The following CREBBP variants were observed in gnomAD, a reference collection of about 807,000 sequenced individuals.
CREBBP encodes CREB binding lysine acetyltransferase, also known as CREB-binding protein.
Under a neutral mutation model 265.0 loss-of-function variants are expected in CREBBP, and 19 were observed. The observed-to-expected ratio is 0.07, with a 90% CI of 0.05 to 0.11. The LOEUF (loss-of-function observed/expected upper bound fraction) is 0.11, where lower values mean the gene tolerates loss of function less well. CREBBP is among the 10% of genes least tolerant of loss of function. The probability of loss-of-function intolerance (pLI) is 1.00; values close to 1 mark genes in which losing one functional copy is unlikely to be tolerated. For missense variants in CREBBP, 2,525 were observed against 3,219.0 expected (o/e 0.78, Z 5.22); for synonymous variants, 1,457 against 1,223.7 (o/e 1.19, Z -3.98).
intron 1 of CREBBP, among the ~76,000 whole-genome samples, chr16:3,871,710 A>G (rs1371996509): frequency 1.3e-5 from 2 of 152,206 alleles, no homozygotes; most frequent in African/African-American, 4.8e-5. Context: ...GAAAAATCCA[A>G]ACTAGGGGGA....
chr16:3,836,290 T>A (rs1237717497), intron 2 of CREBBP, among the ~76,000 whole-genome samples: 1 of 151,612 alleles, frequency 6.6e-6, no homozygotes, highest in Admixed American at 6.6e-5. Flanking sequence ...AAAAGCCAGC[T>A]GGGCATGGTG....
rs75309636 is a variant in CREBBP, at chr16:3,813,693, A to G, written c.799-2914T>C. Among the ~76,000 whole-genome samples, 701 of 152,336 alleles carry G rather than the reference A, an allele frequency of 4.6e-3. 4 individuals are homozygous for G. Among genetic ancestry groups the G allele is most frequent in the African/African-American group, 0.015 (628 of 41,578 alleles). On this transcript the variant is annotated intron_variant, in intron 2 of 30. Transcript: ENST00000262367. Reference sequence around the variant, plus strand: ...TTTCCCTCGATCAATTCATCCTCGAAGTCAACTGGTATTCACCAAGTGCCT... The same window carrying G: ...TTTCCCTCGATCAATTCATCCTCGAGGTCAACTGGTATTCACCAAGTGCCT...
At chr16:3,837,337 C>T (rs1232607672) in intron 2 of CREBBP, among the ~76,000 whole-genome samples, 1 of 152,106 alleles carries the variant, frequency 6.6e-6, no homozygotes, top group Non-Finnish European at 1.5e-5. Flanking sequence ...AAGAACTGGC[C>T]GGGCGCGGTG....
At chr16:3,740,977 G>C (rs1414495360) in intron 23 of CREBBP, 1 of 336,762 alleles carries the variant, frequency 3.0e-6, no homozygotes, top group African/African-American at 2.1e-5. Flanking sequence ...AGTCTGACGT[G>C]AACGTGGAAC....
chr16:3,728,128 A>G lies in CREBBP; in HGVS notation c.6919T>C (p.Ser2307Pro). 1 of 1,613,862 alleles carries G rather than the reference A, an allele frequency of 6.2e-7. No individual in the cohort carries two copies. The highest frequency in any genetic ancestry group is 8.5e-7 in the Non-Finnish European group (1 of 1,179,962). The change falls in exon 31 of 31, where the codon TCC (serine) becomes CCC (proline). Residue 2307 changes from serine (S) to proline (P), a missense_variant. Physicochemically the swap from Ser to Pro is moderately conservative, Grantham distance 74 (BLOSUM62 -1). Transcript: ENST00000262367. This position sits in a 1 kb window ranked among gnomAD's most constrained non-coding sequence, Gnocchi z 8.7. The part of the protein sequence containing the change: ...QQQQMKQQIG[S>P]PGQPNPMSPQ... ...CTCATGGGGTTCGGCTGGCCTGGGG[A>G]CCCAATCTGCTGCTTCATCTGCTGT...
chr16:3,760,391 GTTTTTTTTTTTT>G (rs35861892), intron 16 of CREBBP, among the ~76,000 whole-genome samples: 160 of 75,958 alleles, frequency 2.1e-3, no homozygotes, highest in Middle Eastern at 0.014. Flanking sequence ...TCATGCCCAG[GTTTTTTTTTTTT>G]TTTTTTTTTT....
chr16:3,808,502 C>G (rs377089845), intron 3 of CREBBP, among the ~76,000 whole-genome samples: 2 of 152,240 alleles, frequency 1.3e-5, no homozygotes, highest in South Asian at 2.1e-4. Context: ...CCAGACCAAA[C>G]GGCTCCAGCC....
At chr16:3,744,828 T>TG (rs1473848939) in intron 23 of CREBBP, 66 bp downstream of exon 23, 4 of 1,243,822 alleles carry the variant, frequency 3.2e-6, no homozygotes, top group African/African-American at 1.5e-5. Flanking sequence ...CAAAGAACAA[T>TG]GGGGACAATT....
intron 23 of CREBBP, among the ~76,000 whole-genome samples, chr16:3,744,275 C>T (rs1209980069): frequency 1.3e-5 from 2 of 152,130 alleles, no homozygotes; most frequent in Non-Finnish European, 2.9e-5. Flanking sequence ...AAGCCAGCAC[C>T]CACGGGACAG....
intron 19 of CREBBP, among the ~76,000 whole-genome samples, chr16:3,756,237 A>C (rs1175764894): frequency 6.6e-6 from 1 of 152,200 alleles, no homozygotes; most frequent in African/African-American, 2.4e-5. Flanking sequence ...ACAAACCTCT[A>C]TCTTGGCCAC....
chr16:3,726,107 GTGTC>G lies in CREBBP; in HGVS notation c.*1607_*1610del, dbSNP rs897249999. On this transcript the variant is annotated 3_prime_UTR_variant, in exon 31 of 31. Coordinates refer to ENST00000262367, the MANE Select transcript of CREBBP (RefSeq NM_004380.3). Reference sequence around the variant, plus strand: ...CAGGGACCGGAGCTGGTGCTCCAAGGTGTCTGTCCCTCAGCATTTCCTCAAACGC... The same window carrying G: ...CAGGGACCGGAGCTGGTGCTCCAAGGTGTCCCTCAGCATTTCCTCAAACGC... The G allele has an allele frequency of 1.3e-5, 3 of 233,148 alleles. No individual in the cohort carries two copies. The highest frequency in any genetic ancestry group is 2.2e-5 in the African/African-American group (1 of 45,338). 14.4% of individuals were successfully genotyped at this position (233,148 alleles called of 1,614,324 possible).
chr16:3,755,301 G>A (rs995985806), intron 19 of CREBBP, among the ~76,000 whole-genome samples: 2 of 152,140 alleles, frequency 1.3e-5, no homozygotes, highest in African/African-American at 4.8e-5. Context: ...ATCAGCAAAG[G>A]CAGGGTACCA....
chr16:3,842,048 T>C (rs570051551), intron 2 of CREBBP, among the ~76,000 whole-genome samples: 2 of 152,212 alleles, frequency 1.3e-5, no homozygotes, highest in South Asian at 2.1e-4. Flanking sequence ...CAGTCAAAAA[T>C]CAACCCCGGG....
At chr16:3,779,210 A>G (rs553617870) in intron 8 of CREBBP, among the ~76,000 whole-genome samples, 1 of 150,890 alleles carries the variant, frequency 6.6e-6, no homozygotes, top group East Asian at 1.9e-4. Flanking sequence ...GTCTTGCTCT[A>G]TCGCCCAGGC....
At chr16:3,787,507 C>A (rs2053414112) in intron 5 of CREBBP, among the ~76,000 whole-genome samples, 1 of 152,116 alleles carries the variant, frequency 6.6e-6, no homozygotes, top group Non-Finnish European at 1.5e-5. Flanking sequence ...AGGTGAAAAT[C>A]TCTGAAGGGC....
intron 28 of CREBBP, 103 bp from the exon 29 acceptor site, chr16:3,732,040 T>G: frequency 5.6e-6 from 9 of 1,603,778 alleles, no homozygotes; most frequent in Non-Finnish European, 7.6e-6. Context: ...CAGGCCAAAG[T>G]AGGTCACCAC....
chr16:3,730,843 G>A (rs368536936), intron 30 of CREBBP, among the ~76,000 whole-genome samples: 9 of 152,116 alleles, frequency 5.9e-5, no homozygotes, highest in African/African-American at 1.7e-4. Flanking sequence ...GAGCATGACC[G>A]GGGGGTCCTT....
chr16:3,876,583 C>A (rs150269492), intron 1 of CREBBP, among the ~76,000 whole-genome samples: 4 of 151,818 alleles, frequency 2.6e-5, no homozygotes, highest in African/African-American at 9.7e-5. Flanking sequence ...AACTATATAC[C>A]GGTAATATAA....
Position 3,763,070 on chromosome 16 carries a change from G to A in CREBBP, c.3251-4098C>T, listed in dbSNP as rs546713362. Among the ~76,000 whole-genome samples, 9 of 152,180 alleles carry A rather than the reference G, an allele frequency of 5.9e-5. No individual in the cohort carries two copies. The South Asian group carries it at 8.3e-4, about 14-fold the overall frequency. ...ATTATAGGGGTGAGCCACCACGCCC[G>A]GCCACCCTGGTCACATTTTAGGTGC... On this transcript the variant is annotated intron_variant, in intron 16 of 30. Transcript: ENST00000262367.
Sources: allele counts gnomAD v4.1 joint callset (sites outside exome capture counted in the v4.1 genomes callset), GRCh38; gene constraint gnomAD v4.1.1; non-coding constraint Gnocchi (gnomAD v3.1); transcripts MANE v1.5; gene names NCBI Gene and HGNC (gene_info 2026-07-23, HGNC 2026-07-21).